The following LRRTM4 variants were observed in gnomAD, a reference collection of about 807,000 sequenced individuals.
LRRTM4 encodes leucine-rich repeat transmembrane neuronal protein 4.
A neutral mutation model predicts 47.6 loss-of-function variants in LRRTM4; 25 were observed. The ratio of observed to expected loss-of-function variants is 0.53; its 90% CI spans 0.38 to 0.73. LRRTM4 has a LOEUF of 0.73. Ranked by LOEUF, LRRTM4 falls within the 30% of genes least tolerant of loss-of-function variation. The pLI is 0.00. For missense variants in LRRTM4, 638 were observed against 713.4 expected, an observed-to-expected ratio of 0.89 and a Z score of 1.20; for synonymous variants, 311 against 269.5, an observed-to-expected ratio of 1.15 and a Z score of -1.51.
intron 3 of LRRTM4, among the ~76,000 whole-genome samples, chr2:77,158,055 A>G (rs1479172117): frequency 6.6e-6 from 1 of 152,182 alleles, no homozygotes; most frequent in East Asian, 1.9e-4. Context: ...TTGGTGAAAA[A>G]ACAATAAAGA....
rs555688004 is a variant in LRRTM4, at chr2:77,029,785, A to AT, written c.1552-280870dup. The stretch of plus-strand genomic sequence containing the variant: ...AGAAACATTCTTGAGCAGAACAAAG[A>AT]TTTGTTTTGTAAAAAAGGAATCATC... On this transcript the variant is annotated intron_variant, in intron 3 of 3. Transcript: ENST00000409884. Among the ~76,000 whole-genome samples the AT allele has an allele frequency of 1.4e-3, 216 of 152,332 alleles. 1 individual carries two copies. Among genetic ancestry groups the AT allele is most frequent in the African/African-American group, 4.9e-3 (204 of 41,576 alleles).
intron 3 of LRRTM4, among the ~76,000 whole-genome samples, chr2:77,125,074 G>C (rs1490864994): frequency 6.6e-6 from 1 of 152,108 alleles, no homozygotes; most frequent in Non-Finnish European, 1.5e-5. Context: ...AATTGAGATG[G>C]AAAACTGATT....
At chr2:76,873,953 T>C (rs1672709553) in intron 3 of LRRTM4, among the ~76,000 whole-genome samples, 1 of 151,972 alleles carries the variant, frequency 6.6e-6, no homozygotes, top group Non-Finnish European at 1.5e-5. Context: ...TACCTTAATA[T>C]CAAATCATAT....
intron 3 of LRRTM4, among the ~76,000 whole-genome samples, chr2:77,501,296 G>A (rs889658773): frequency 2.0e-5 from 3 of 150,242 alleles, no homozygotes; most frequent in African/African-American, 7.3e-5. Context: ...AGAAACACAG[G>A]TGTTTTCATA....
chr2:77,367,539 C>T (rs951318675), intron 3 of LRRTM4, among the ~76,000 whole-genome samples: 1 of 151,630 alleles, frequency 6.6e-6, no homozygotes, highest in Non-Finnish European at 1.5e-5. Context: ...TTTTTTGCTC[C>T]AACTTCTGAA....
intron 3 of LRRTM4, among the ~76,000 whole-genome samples, chr2:77,366,127 G>T (rs1042783713): frequency 6.8e-6 from 1 of 147,822 alleles, no homozygotes; most frequent in Non-Finnish European, 1.5e-5. Flanking sequence ...TTTATTAGAA[G>T]AATCATTAAT....
rs919754339 is a variant in LRRTM4, at chr2:76,912,468, C to G, written c.1552-163552G>C. ...TATAAAATTTGATCCACTTTAATTA[C>G]TTTCTTAGAATAAATTCTTAGAAAC... On this transcript the variant is annotated intron_variant, in intron 3 of 3. Transcript: ENST00000409884. Among the ~76,000 whole-genome samples, 4 of 152,256 alleles carry G rather than the reference C, an allele frequency of 2.6e-5. No homozygotes were observed. The East Asian group carries it at 7.7e-4, about 29-fold the overall frequency.
rs1362392855 is a variant in LRRTM4, at chr2:77,258,814, G to T, written c.1551+259504C>A. Reference sequence around the variant, plus strand: ...TAGAAATCTCAGTGAGACTTTTGCTGAAACAAGTAAATTCTGATAAAGTTC... The same window carrying T: ...TAGAAATCTCAGTGAGACTTTTGCTTAAACAAGTAAATTCTGATAAAGTTC... On this transcript the variant is annotated intron_variant, in intron 3 of 3. Coordinates refer to ENST00000409884, the MANE Select transcript of LRRTM4 (RefSeq NM_001134745.3). Among the ~76,000 whole-genome samples, 3 of 151,666 alleles carry T rather than the reference G, an allele frequency of 2.0e-5. No individual in the cohort carries two copies. In the East Asian group the frequency reaches 5.8e-4, roughly 29 times the overall value.
intron 3 of LRRTM4, among the ~76,000 whole-genome samples, chr2:76,928,201 C>T (rs960718223): frequency 6.6e-6 from 1 of 152,138 alleles, no homozygotes; most frequent in Admixed American, 6.6e-5. Flanking sequence ...AATCACATCT[C>T]ATATCTGATG....
chr2:76,853,833 G>A (rs554061374), intron 3 of LRRTM4, among the ~76,000 whole-genome samples: 19 of 152,248 alleles, frequency 1.2e-4, no homozygotes, highest in Admixed American at 1.2e-3. Context: ...TCATACTACA[G>A]TAGATCCTAC....
intron 3 of LRRTM4, among the ~76,000 whole-genome samples, chr2:77,249,701 C>A (rs1466339508): frequency 6.6e-6 from 1 of 152,132 alleles, no homozygotes; most frequent in Non-Finnish European, 1.5e-5. Flanking sequence ...AACAGTAACT[C>A]TCAATTATTG....
intron 3 of LRRTM4, among the ~76,000 whole-genome samples, chr2:76,838,776 A>T (rs985193525): frequency 1.3e-5 from 2 of 152,106 alleles, no homozygotes; most frequent in African/African-American, 4.8e-5. Flanking sequence ...TGAACATGGG[A>T]CATGTTAATA....
chr2:76,913,061 TATG>T (rs1674125937), intron 3 of LRRTM4, among the ~76,000 whole-genome samples: 1 of 152,236 alleles, frequency 6.6e-6, no homozygotes, highest in Non-Finnish European at 1.5e-5. Context: ...GTTATCATTG[TATG>T]ATTTAATCTT....
chr2:77,516,709 C>T, intron 3 of LRRTM4: 4 of 966,296 alleles, frequency 4.1e-6, no homozygotes, highest in South Asian at 9.6e-5. Context: ...AGGGCAATTG[C>T]TTATACAGTT....
chr2:77,324,579 C>A (rs181855557), intron 3 of LRRTM4, among the ~76,000 whole-genome samples: 7 of 152,214 alleles, frequency 4.6e-5, no homozygotes, highest in Admixed American at 4.6e-4. Flanking sequence ...CAGGAAATAA[C>A]TTTGTGCTCT....
At position 76,908,506 on chromosome 2, in the gene LRRTM4, G is replaced by T. The variant is rs1351367917; in HGVS notation, c.1552-159590C>A. Among the ~76,000 whole-genome samples, 4 of 151,706 alleles carry T rather than the reference G, an allele frequency of 2.6e-5. No homozygotes were observed. The East Asian group carries it at 5.8e-4, about 22-fold the overall frequency. On this transcript the variant is annotated intron_variant, in intron 3 of 3. Coordinates refer to ENST00000409884, the MANE Select transcript of LRRTM4 (RefSeq NM_001134745.3). Reference sequence around the variant, plus strand: ...AGTTCTGGCCAGGGCAATTAGGCAGGAGAAGGAAATAAAGGGTATTCAATT... The same window carrying T: ...AGTTCTGGCCAGGGCAATTAGGCAGTAGAAGGAAATAAAGGGTATTCAATT...
intron 3 of LRRTM4, among the ~76,000 whole-genome samples, chr2:77,477,684 A>G (rs1038785181): frequency 6.6e-6 from 1 of 151,742 alleles, no homozygotes; most frequent in African/African-American, 2.4e-5. Flanking sequence ...TCCACTAAAA[A>G]AAAGAATAAT....
At chr2:77,092,812 G>A (rs1670690274) in intron 3 of LRRTM4, among the ~76,000 whole-genome samples, 2 of 142,270 alleles carry the variant, frequency 1.4e-5, no homozygotes, top group Admixed American at 6.9e-5. Flanking sequence ...AATCAGCCAA[G>A]CAGTTTTTCA....
intron 3 of LRRTM4, among the ~76,000 whole-genome samples, chr2:77,142,601 C>T (rs1244366715): frequency 2.0e-5 from 3 of 151,830 alleles, no homozygotes; most frequent in African/African-American, 7.3e-5. Flanking sequence ...TATGCTTATC[C>T]CCCATAAATA....
Sources: allele counts gnomAD v4.1 joint callset (sites outside exome capture counted in the v4.1 genomes callset), GRCh38; gene constraint gnomAD v4.1.1; transcripts MANE v1.5; gene names NCBI Gene and HGNC (gene_info 2026-07-23, HGNC 2026-07-21).